Variants in TIMM23B observed in about 807,000 individuals in gnomAD.
TIMM23B encodes the protein mitochondrial import inner membrane translocase subunit Tim23B.
A neutral mutation model predicts 27.3 loss-of-function variants in TIMM23B; 27 were observed. The ratio of observed to expected loss-of-function variants is 0.99; its 90% CI spans 0.73 to 1.36. The LOEUF (loss-of-function observed/expected upper bound fraction) is 1.36. Ranked by LOEUF, TIMM23B falls within the 40% of genes most tolerant of loss-of-function variation. The pLI is 0.00. For missense variants in TIMM23B, 205 were observed against 244.2 expected (o/e 0.84, Z 1.07); for synonymous variants, 73 against 92.4 (o/e 0.79, Z 1.21).
chr10:49,952,460 G>C lies in TIMM23B; in HGVS notation c.271G>C (p.Gly91Arg), dbSNP rs1308611998. 88 of 1,613,308 alleles carry C rather than the reference G, an allele frequency of 5.5e-5. No individual in the cohort carries two copies. Among genetic ancestry groups the C allele is most frequent in the Non-Finnish European group, 7.2e-5 (85 of 1,179,512 alleles). The change falls in exon 4 of 7, where the codon GGG (glycine) becomes CGG (arginine). Residue 91 changes from glycine to arginine, a missense_variant. Physicochemically the swap from Gly to Arg is moderately radical, Grantham distance 125. Coordinates refer to ENST00000651259, the MANE Select transcript of TIMM23B (RefSeq NM_001290117.2). ...GGCCMTGAAF[G>R]AMNGLRLGLK... The stretch of plus-strand genomic sequence containing the variant: ...TTATGATTTACCAGGGGCTGCGTTT[G>C]GGGCAATGAATGGTCTTCGGCTAGG...
chr10:49,970,590 C>G (rs1298438065), intron 6 of TIMM23B: 3 of 148,624 alleles, frequency 2.0e-5, no homozygotes, highest in African/African-American at 5.1e-5. Context: ...GGAGCCCCTC[C>G]GCCCGGCAGC....
chr10:49,942,331 C>T (rs1839142474), intron 1 of TIMM23B, 31 bp downstream of exon 1: 29 of 1,591,196 alleles, frequency 1.8e-5, no homozygotes, highest in Admixed American at 5.2e-5. Context: ...GCGATTATTT[C>T]TGACTGGTTC....
At chr10:49,959,911 G>T (rs1328520514) in intron 6 of TIMM23B, among the ~76,000 whole-genome samples, 1 of 151,732 alleles carries the variant, frequency 6.6e-6, no homozygotes, top group Non-Finnish European at 1.5e-5. Flanking sequence ...ACCACATCTG[G>T]CTAATTCTTG....
At chr10:49,957,747 C>A (rs1430261967) in intron 5 of TIMM23B, among the ~76,000 whole-genome samples, 2 of 152,160 alleles carry the variant, frequency 1.3e-5, no homozygotes, top group Non-Finnish European at 2.9e-5. Context: ...TCTTCCGACC[C>A]CATCCACTTG....
intron 4 of TIMM23B, among the ~76,000 whole-genome samples, chr10:49,954,733 C>CTTATTATTA (rs1262233769): frequency 2.8e-4 from 40 of 145,032 alleles, no homozygotes; most frequent in East Asian, 6.0e-4. Context: ...AAGAGTTTTC[C>CTTATTATTA]TTATTATTAT....
chr10:49,958,498 G>A lies in TIMM23B; in HGVS notation c.514+18G>A. 3 of 1,607,070 alleles carry A rather than the reference G, an allele frequency of 1.9e-6. No homozygotes were observed. Among genetic ancestry groups the A allele is most frequent in the Non-Finnish European group, 1.7e-6 (2 of 1,174,150 alleles). ...ATGTACAGGTGAGTACTGTTGAATG[G>A]GGAGCCATCTCTTAATATACTTGAA... On this transcript the variant is annotated intron_variant, in intron 6 of 6. Coordinates refer to ENST00000651259, the MANE Select transcript of TIMM23B (RefSeq NM_001290117.2).
rs1840559994 is a variant in TIMM23B at position 49,973,979 on chromosome 10, T to G, written c.*915T>G. ...ACCACTCCCGGCTAATTTTTTGTGT[T>G]TTAGTAGAGACGGGGTTTTACCATG... is the stretch of plus-strand genomic sequence containing the variant. On this transcript the variant is annotated 3_prime_UTR_variant, in exon 7 of 7. Transcript: ENST00000651259. 1 of 130,222 alleles carries G rather than the reference T, an allele frequency of 7.7e-6. No individual in the cohort carries two copies. The highest frequency in any genetic ancestry group is 3.1e-5 in the African/African-American group (1 of 32,114). The allele number at this position is 130,222 out of a possible 1,614,324, so 8.1% of individuals were successfully genotyped here.
At chr10:49,944,563 A>G (rs1445780312) in intron 1 of TIMM23B, among the ~76,000 whole-genome samples, 1 of 151,996 alleles carries the variant, frequency 6.6e-6, no homozygotes, top group Non-Finnish European at 1.5e-5. Flanking sequence ...TCAATCGTTA[A>G]TAGTAATATG....
intron 6 of TIMM23B, among the ~76,000 whole-genome samples, chr10:49,964,825 A>G (rs1840067088): frequency 6.6e-6 from 1 of 152,186 alleles, no homozygotes; most frequent in Non-Finnish European, 1.5e-5. Context: ...TGAAATGAAT[A>G]ATGAAATGCT....
chr10:49,953,083 G>A (rs1220624908), intron 4 of TIMM23B, among the ~76,000 whole-genome samples: 7 of 152,328 alleles, frequency 4.6e-5, no homozygotes, highest in African/African-American at 1.4e-4. Context: ...AGAAGGGAAA[G>A]TACAGTTAAA....
chr10:49,973,112 A>G lies in TIMM23B; in HGVS notation c.*48A>G. On this transcript the variant is annotated 3_prime_UTR_variant, in exon 7 of 7. Coordinates refer to ENST00000651259, the MANE Select transcript of TIMM23B (RefSeq NM_001290117.2). Reference sequence around the variant, plus strand: ...CAATCCCAACTGGTGAAGTACTGAGAAGAAGCTACACAAAAGGCAGCAAAG... The same window carrying G: ...CAATCCCAACTGGTGAAGTACTGAGGAGAAGCTACACAAAAGGCAGCAAAG... 6.6e-7 allele frequency: 1 copy of G among 1,505,578 alleles called. No homozygotes were observed. 93.3% of individuals were successfully genotyped at this position (1,505,578 alleles called of 1,614,324 possible). A position where few individuals can be genotyped will look rare whatever the true frequency, so the allele number is the denominator to read the frequency against.
chr10:49,967,185 G>A (rs1840198774), intron 6 of TIMM23B, among the ~76,000 whole-genome samples: 1 of 152,228 alleles, frequency 6.6e-6, no homozygotes, highest in Non-Finnish European at 1.5e-5. Flanking sequence ...GGCCTCCCAA[G>A]TATTGGGATT....
chr10:49,942,552 G>A (rs1415390978), intron 1 of TIMM23B, among the ~76,000 whole-genome samples: 1 of 152,124 alleles, frequency 6.6e-6, no homozygotes, highest in Non-Finnish European at 1.5e-5. Context: ...TGTTTTCTTA[G>A]GTTTATATCC....
Position 49,942,266 on chromosome 10 carries a change from A to T in TIMM23B, c.72A>T (p.Ala24=). The stretch of plus-strand genomic sequence containing the variant: ...CCGGCTTTTTCGGAGCCGGCGAAGC[A>T]GGTTACTCGCACGCGGATTTGGCTG... ...VLAGFFGAGE[A]GYSHADLAGV... is the part of the protein sequence containing the mutation. The change falls in exon 1 of 7, where the codon GCA becomes GCT. Residue 24 remains alanine, a synonymous_variant. Transcript: ENST00000651259. 6.2e-7 allele frequency: 1 copy of T among 1,612,694 alleles called. No individual in the cohort carries two copies.
chr10:49,968,634 AC>A (rs1339210721), intron 6 of TIMM23B, among the ~76,000 whole-genome samples: 1 of 152,184 alleles, frequency 6.6e-6, no homozygotes, highest in Admixed American at 6.5e-5. Context: ...GGAGATTGAG[AC>A]CATCCTGGCT....
intron 6 of TIMM23B, chr10:49,970,537 T>C (rs1345663750): frequency 9.0e-5 from 14 of 155,750 alleles, no homozygotes; most frequent in African/African-American, 3.2e-4. Flanking sequence ...GTCTGAGAAG[T>C]GAGGAGCCCC....
At chr10:49,948,098 A>G (rs1476069387) in intron 2 of TIMM23B, among the ~76,000 whole-genome samples, 1 of 152,244 alleles carries the variant, frequency 6.6e-6, no homozygotes, top group Non-Finnish European at 1.5e-5. Flanking sequence ...TTCTCTATGA[A>G]GATATACAGA....
chr10:49,943,211 C>G (rs1839215096), intron 1 of TIMM23B: 1 of 151,728 alleles, frequency 6.6e-6, no homozygotes, highest in Non-Finnish European at 1.5e-5. Flanking sequence ...TGTTTTGTTT[C>G]GTTTTTTTTT....
intron 6 of TIMM23B, among the ~76,000 whole-genome samples, chr10:49,963,521 C>T (rs1228917339): frequency 2.0e-5 from 3 of 151,294 alleles, no homozygotes; most frequent in Non-Finnish European, 2.9e-5. Context: ...AATGAAATGC[C>T]GGGTGAAATG....
Sources: allele counts gnomAD v4.1 joint callset (sites outside exome capture counted in the v4.1 genomes callset), GRCh38; gene constraint gnomAD v4.1.1; transcripts MANE v1.5; gene names NCBI Gene and HGNC (gene_info 2026-07-23, HGNC 2026-07-21).